Variants in ABCA9 observed in about 807,000 individuals in gnomAD.
ABCA9 encodes ATP-binding cassette sub-family A member 9.
ABCA9 carries 183 observed loss-of-function variants against 205.3 expected under a neutral mutation model. That is an observed-to-expected ratio of 0.89 (90% CI 0.79 to 1.01). ABCA9 has a LOEUF of 1.01. Among genes scored for constraint, ABCA9 ranks in the 50% least tolerant of loss-of-function variants. The pLI, the probability that ABCA9 is intolerant of heterozygous loss-of-function variation, is 0.00. For missense variants in ABCA9, 1,805 were observed against 1,912.4 expected (o/e 0.94, Z 1.05); for synonymous variants, 651 against 683.3 (o/e 0.95, Z 0.74).
intron 31 of ABCA9, among the ~76,000 whole-genome samples, chr17:68,988,551 A>G (rs1456748905): frequency 2.0e-5 from 3 of 152,196 alleles, no homozygotes; most frequent in African/African-American, 4.8e-5. Flanking sequence ...AAGACCTATG[A>G]GGTTTTACTC....
chr17:69,071,536 C>A, the ABCA9 span, among the ~76,000 whole-genome samples: 1 of 152,130 alleles, frequency 6.6e-6, no homozygotes, highest in African/African-American at 2.4e-5. Flanking sequence ...AAACAGAAAA[C>A]AATAGCATCA....
rs1200471312 is a variant in ABCA9 at position 69,035,442 on chromosome 17, A to G, written c.943-11T>C. 1.9e-6 allele frequency: 3 copies of G among 1,560,052 alleles called. No individual in the cohort carries two copies. Among genetic ancestry groups the G allele is most frequent in the South Asian group, 2.5e-5 (2 of 79,104 alleles). ...GAAAGCTAAAGTTATCTGAGAAAAG[A>G]GAAAGACTTCAGCTGGTATATAATT... On this transcript the variant is annotated splice_polypyrimidine_tract_variant and intron_variant, in intron 7 of 38. Coordinates refer to ENST00000340001, the MANE Select transcript of ABCA9 (RefSeq NM_080283.4).
chr17:69,063,816 C>A (rs573791233), upstream of ABCA9, among the ~76,000 whole-genome samples: 7 of 152,348 alleles, frequency 4.6e-5, no homozygotes, highest in African/African-American at 1.4e-4. Flanking sequence ...GCGTGATCCG[C>A]CCGCCTCGGC....
At chr17:69,020,707 A>G in intron 18 of ABCA9, 121 bp from the exon 19 acceptor site, 1 of 739,794 alleles carries the variant, frequency 1.4e-6, no homozygotes, top group Non-Finnish European at 2.2e-6. Flanking sequence ...GATACAAGTA[A>G]TCTAATGTAT....
chr17:69,012,340 T>G (rs1242534761), intron 22 of ABCA9: 1 of 341,156 alleles, frequency 2.9e-6, no homozygotes, highest in Admixed American at 4.7e-5. Flanking sequence ...GTCATACAGT[T>G]AATAACTTGT....
intron 26 of ABCA9, among the ~76,000 whole-genome samples, chr17:68,995,403 C>T (rs2144063551): frequency 6.6e-6 from 1 of 152,236 alleles, no homozygotes; most frequent in South Asian, 2.1e-4. Flanking sequence ...ATGTCATTGG[C>T]CTTCTTTTTA....
chr17:69,015,969 T>TTGTGTG (rs3046825), intron 22 of ABCA9, among the ~76,000 whole-genome samples: 5 of 148,164 alleles, frequency 3.4e-5, no homozygotes, highest in African/African-American at 1.2e-4. Flanking sequence ...CAATTCTAAA[T>TTGTGTG]TGTGTGTGTG....
At chr17:69,018,008 C>A (rs2070684243) in intron 20 of ABCA9, 1 of 486,552 alleles carries the variant, frequency 2.1e-6, no homozygotes, top group South Asian at 3.6e-5. Flanking sequence ...ATTATAATTT[C>A]TATTAGTATA....
the ABCA9 span, among the ~76,000 whole-genome samples, chr17:69,076,624 G>A: frequency 3.3e-5 from 5 of 152,114 alleles, no homozygotes; most frequent in Non-Finnish European, 7.4e-5. Flanking sequence ...GAATTCAGTT[G>A]TGAATCCATC....
intron 19 of ABCA9, chr17:69,019,781 G>A (rs747110157): frequency 2.6e-5 from 4 of 152,196 alleles, no homozygotes; most frequent in Non-Finnish European, 5.9e-5. Flanking sequence ...AGATATGATC[G>A]TGAAGCCAAG....
rs779321298 is a variant in ABCA9, at chr17:69,007,887, G to A, written c.3322-15C>T. The A allele has an allele frequency of 2.0e-5, 31 of 1,541,594 alleles. 3 individuals are homozygous for A. The South Asian group carries it at 3.4e-4, about 17-fold the overall frequency. On this transcript the variant is annotated splice_polypyrimidine_tract_variant and intron_variant, in intron 24 of 38. Coordinates refer to ENST00000340001, the MANE Select transcript of ABCA9 (RefSeq NM_080283.4). Reference sequence around the variant, plus strand: ...CTACACAGGATCTGAAAACAGAAATGTTAAGGTCCAATAAGGTAAATACTA... The same window carrying A: ...CTACACAGGATCTGAAAACAGAAATATTAAGGTCCAATAAGGTAAATACTA...
chr17:69,027,185 T>G, intron 14 of ABCA9, 71 bp from the exon 15 acceptor site: 1 of 1,585,154 alleles, frequency 6.3e-7, no homozygotes, highest in Non-Finnish European at 8.6e-7. Flanking sequence ...CACTGTACTT[T>G]TAAAAGTATT....
intron 3 of ABCA9, among the ~76,000 whole-genome samples, chr17:69,048,313 G>T (rs1306369011): frequency 6.6e-6 from 1 of 152,182 alleles, no homozygotes; most frequent in Non-Finnish European, 1.5e-5. Flanking sequence ...TTCAGATTTT[G>T]GAGCATTTCT....
intron 36 of ABCA9, among the ~76,000 whole-genome samples, chr17:68,982,987 C>T (rs2069111430): frequency 6.6e-6 from 1 of 152,240 alleles, no homozygotes; most frequent in South Asian, 2.1e-4. Context: ...GACTGGGCGA[C>T]AGAGTGAGAT....
chr17:69,047,920 T>C (rs1387287449), intron 3 of ABCA9, among the ~76,000 whole-genome samples: 1 of 152,132 alleles, frequency 6.6e-6, no homozygotes, highest in Non-Finnish European at 1.5e-5. Flanking sequence ...GCCACCTAAA[T>C]AAAATCCTCC....
intron 29 of ABCA9, among the ~76,000 whole-genome samples, 183 bp from the exon 30 acceptor site, chr17:68,990,113 C>T (rs1333131502): frequency 6.6e-6 from 1 of 152,188 alleles, no homozygotes; most frequent in African/African-American, 2.4e-5. Flanking sequence ...AGGGCATTTG[C>T]ACCATATCCT....
intron 25 of ABCA9, among the ~76,000 whole-genome samples, chr17:69,000,341 A>G (rs1328545510): frequency 6.7e-6 from 1 of 150,228 alleles, no homozygotes; most frequent in South Asian, 2.1e-4. Flanking sequence ...AGCTTTCTAC[A>G]TATGGCTAGC....
intron 31 of ABCA9, among the ~76,000 whole-genome samples, chr17:68,987,797 G>A (rs901336385): frequency 8.0e-6 from 1 of 125,614 alleles, no homozygotes; most frequent in African/African-American, 2.9e-5. Context: ...TTTCTCTATT[G>A]TTGCCCAGGC....
intron 12 of ABCA9, 23 bp downstream of exon 12, chr17:69,028,512 T>C (rs746271136): frequency 2.0e-6 from 3 of 1,493,842 alleles, no homozygotes; most frequent in East Asian, 4.6e-5. Flanking sequence ...CAGGTACTTG[T>C]CCTTGGATAA....
Sources: allele counts gnomAD v4.1 joint callset (sites outside exome capture counted in the v4.1 genomes callset), GRCh38; gene constraint gnomAD v4.1.1; transcripts MANE v1.5; gene names NCBI Gene and HGNC (gene_info 2026-07-23, HGNC 2026-07-21).